WIPI1: variants seen among roughly 807,000 people sequenced by gnomAD.
WIPI1 encodes WD repeat domain, phosphoinositide interacting 1, also known as WD repeat domain phosphoinositide-interacting protein 1.
A neutral mutation model predicts 55.3 loss-of-function variants in WIPI1; 45 were observed. That is an observed-to-expected ratio of 0.81 (90% CI 0.64 to 1.04). WIPI1 has a LOEUF of 1.04. WIPI1 is among the 50% of genes least tolerant of loss of function. The probability of loss-of-function intolerance (pLI) is 0.00; values close to 1 mark genes in which losing one functional copy is unlikely to be tolerated. For missense variants in WIPI1, 445 were observed against 559.0 expected (o/e 0.80, Z 2.06); for synonymous variants, 195 against 217.6 (o/e 0.90, Z 0.92).
Position 68,450,739 on chromosome 17 carries a change from GC to G in WIPI1, c.321del (p.Arg107SerfsTer2). On this transcript the variant is annotated frameshift_variant, in exon 3 of 13. Transcript: ENST00000262139. LOFTEE classifies it high-confidence loss of function. ...YSYSSNILSI[R>X]LNRQRLLVCL... ...ATTTCCCCACTTACTTGCCGGTTCA[GC>G]CTTATGGACAAGATGTTGCTGGAGT... is the stretch of plus-strand genomic sequence containing the variant. 1 of 1,611,836 alleles carries G rather than the reference GC, an allele frequency of 6.2e-7. No homozygotes were observed. The highest frequency in any genetic ancestry group is 1.7e-5 in the Admixed American group (1 of 59,670).
chr17:68,453,082 A>G, intron 1 of WIPI1, 90 bp from the exon 2 acceptor site: 1 of 1,015,998 alleles, frequency 9.8e-7, no homozygotes, highest in Non-Finnish European at 1.5e-6. Context: ...CCCTAGCCTC[A>G]GGGGTACAGT....
At position 68,421,737 on chromosome 17, in the gene WIPI1, AG is replaced by A. The variant is rs770416070; in HGVS notation, c.*35del. ...CTTGTTTTCTCCAAAACCACCTGAT[AG>A]GGGGGATGTCCTGATTTCTGAGGTG... On this transcript the variant is annotated 3_prime_UTR_variant, in exon 13 of 13. Coordinates refer to ENST00000262139, the MANE Select transcript of WIPI1 (RefSeq NM_017983.7). 6.2e-6 allele frequency: 10 copies of A among 1,611,626 alleles called. No homozygotes were observed. In the East Asian group the frequency reaches 2.0e-4, roughly 32 times the overall value.
chr17:68,426,254 G>GGGGGGGGGGA, intron 11 of WIPI1, 79 bp from the exon 12 acceptor site: 1 of 816,924 alleles, frequency 1.2e-6, no homozygotes, highest in South Asian at 1.3e-5. Context: ...GGGAGCGGGG[G>GGGGGGGGGGA]CTCAAATAAA....
intron 3 of WIPI1, among the ~76,000 whole-genome samples, chr17:68,450,408 G>A (rs1225438618): frequency 2.0e-5 from 3 of 152,176 alleles, no homozygotes; most frequent in African/African-American, 4.8e-5. Context: ...GTGCTCTTGC[G>A]GTGGCTCATG....
chr17:68,440,163 C>T (rs1490267124), intron 4 of WIPI1, among the ~76,000 whole-genome samples: 2 of 152,180 alleles, frequency 1.3e-5, no homozygotes, highest in Non-Finnish European at 2.9e-5. Flanking sequence ...CAGGCTCGCA[C>T]CTCTACCAAT....
At chr17:68,455,359 C>A (rs943729101) in intron 1 of WIPI1, among the ~76,000 whole-genome samples, 5 of 92,936 alleles carry the variant, frequency 5.4e-5, no homozygotes, top group Non-Finnish European at 1.1e-4. Flanking sequence ...GCAAGACTGT[C>A]TCAAAAAAAA....
chr17:68,433,315 G>C, intron 8 of WIPI1, 153 bp downstream of exon 8: 2 of 716,638 alleles, frequency 2.8e-6, no homozygotes, highest in Non-Finnish European at 4.5e-6. Flanking sequence ...TGCCTCCAAA[G>C]TTTTGCTAAC....
chr17:68,451,782 CA>C (rs1221274009), intron 2 of WIPI1, among the ~76,000 whole-genome samples: 2 of 152,168 alleles, frequency 1.3e-5, no homozygotes, highest in African/African-American at 4.8e-5. Context: ...ATCTGGACAT[CA>C]GTATTATGAC....
intron 11 of WIPI1, 79 bp from the exon 12 acceptor site, chr17:68,426,254 G>GGGGGA: frequency 1.2e-6 from 1 of 816,924 alleles, no homozygotes; most frequent in Non-Finnish European, 1.9e-6. Context: ...GGGAGCGGGG[G>GGGGGA]CTCAAATAAA....
At chr17:68,453,122 T>C in intron 1 of WIPI1, 130 bp from the exon 2 acceptor site, 1 of 642,244 alleles carries the variant, frequency 1.6e-6, no homozygotes, top group Non-Finnish European at 2.7e-6. Flanking sequence ...CTTAGATCCT[T>C]GGTAACTTCC....
chr17:68,426,103 C>T lies in WIPI1; in HGVS notation c.1265G>A (p.Cys422Tyr), dbSNP rs770776057. ...PEHEFATGPVCLDDENEFPPI... is the reference protein window; with the variant it reads ...PEHEFATGPVYLDDENEFPPI... ...AGGAAACTCATTCTCATCATCAAGACACACTGGTCCCGTCGCAAACTCATG... is the reference window on the plus strand; with the variant it reads ...AGGAAACTCATTCTCATCATCAAGATACACTGGTCCCGTCGCAAACTCATG... Residue 422 changes from cysteine to tyrosine, a missense_variant, in exon 12 of 13, where the codon TGT (cysteine) becomes TAT (tyrosine). Transcript: ENST00000262139. The T allele has an allele frequency of 1.1e-5, 17 of 1,612,630 alleles. No individual in the cohort carries two copies. The highest frequency in any genetic ancestry group is 1.4e-5 in the Non-Finnish European group (17 of 1,180,018).
intron 11 of WIPI1, 106 bp from the exon 12 acceptor site, chr17:68,426,281 G>C: frequency 2.3e-6 from 2 of 864,812 alleles, no homozygotes; most frequent in South Asian, 1.5e-5. Context: ...AGGAAGCAAA[G>C]GGGCTGTCTG....
At chr17:68,454,891 TGA>T (rs2084607506) in intron 1 of WIPI1, among the ~76,000 whole-genome samples, 1 of 86,370 alleles carries the variant, frequency 1.2e-5, no homozygotes, top group Non-Finnish European at 2.9e-5. Flanking sequence ...AATCACAGAG[TGA>T]TGTTTTATGT....
At position 68,444,540 on chromosome 17, in the gene WIPI1, T is replaced by G. The variant is rs2084206150; in HGVS notation, c.383A>C (p.Asp128Ala). 6.2e-7 allele frequency: 1 copy of G among 1,614,030 alleles called. No homozygotes were observed. Among genetic ancestry groups the G allele is most frequent in the Non-Finnish European group, 8.5e-7 (1 of 1,180,026 alleles). Residue 128 changes from aspartate (D) to alanine (A), a missense_variant, in exon 4 of 13, where the codon GAC (aspartate) becomes GCC (alanine). Physicochemically the swap from Asp to Ala is moderately radical, Grantham distance 126. Coordinates refer to ENST00000262139, the MANE Select transcript of WIPI1 (RefSeq NM_017983.7). The stretch of plus-strand genomic sequence containing the variant: ...CAGGAGGGTCTTCAACAGCTTCATG[T>G]CTTTAATGTTGTGAATATAAATGGA... ...EESIYIHNIK[D>A]MKLLKTLLDI...
intron 6 of WIPI1, among the ~76,000 whole-genome samples, chr17:68,435,234 C>T (rs78142034): frequency 0.011 from 1,621 of 151,580 alleles, 32 homozygotes; most frequent in African/African-American, 0.037. Context: ...TCAATTGGAT[C>T]ACTTTCTCTG....
chr17:68,429,628 G>A (rs574349858), intron 9 of WIPI1, among the ~76,000 whole-genome samples: 14 of 151,968 alleles, frequency 9.2e-5, no homozygotes, highest in Non-Finnish European at 1.6e-4. Context: ...TTGCTCTGTC[G>A]CCCAGGCTGG....
At chr17:68,453,598 C>T (rs1245140777) in intron 1 of WIPI1, among the ~76,000 whole-genome samples, 1 of 151,742 alleles carries the variant, frequency 6.6e-6, no homozygotes, top group Non-Finnish European at 1.5e-5. Context: ...CCTGCCTCAG[C>T]CTCCCGAGCA....
intron 8 of WIPI1, among the ~76,000 whole-genome samples, chr17:68,430,371 C>T (rs1383021075): frequency 6.6e-6 from 1 of 152,134 alleles, no homozygotes; most frequent in Non-Finnish European, 1.5e-5. Flanking sequence ...TTCAGAAGAG[C>T]CATTGTAAAG....
At chr17:68,449,452 C>T (rs1407697880) in intron 3 of WIPI1, among the ~76,000 whole-genome samples, 1 of 152,172 alleles carries the variant, frequency 6.6e-6, no homozygotes, top group African/African-American at 2.4e-5. Flanking sequence ...TGGGGAAACA[C>T]TGTAATATGA....
Sources: gnomAD v4.1 joint callset for allele counts (sites outside exome capture counted in the v4.1 genomes callset) on GRCh38, gnomAD v4.1.1 for gene constraint, MANE v1.5 for transcripts, NCBI Gene and HGNC (gene_info 2026-07-23, HGNC 2026-07-21) for gene names.